TTC28: variants seen among roughly 807,000 people sequenced by gnomAD.
TTC28 encodes tetratricopeptide repeat protein 28.
A neutral mutation model predicts 198.0 loss-of-function variants in TTC28; 61 were observed. That is an observed-to-expected ratio of 0.31 (90% CI 0.25 to 0.38). TTC28 has a LOEUF of 0.38. Among genes scored for constraint, TTC28 ranks in the 10% least tolerant of loss-of-function variants. The pLI is 1.00. For missense variants in TTC28, 2,678 were observed against 3,164.0 expected, an observed-to-expected ratio of 0.85 and a Z score of 3.69; for synonymous variants, 1,171 against 1,297.8, an observed-to-expected ratio of 0.90 and a Z score of 2.10.
In TTC28 at chr22:28,458,273, C is replaced by G. The variant is rs1201157561; in HGVS notation, c.382-151630G>C. On this transcript the variant is annotated intron_variant, in intron 2 of 22. Coordinates refer to ENST00000397906, the MANE Select transcript of TTC28 (RefSeq NM_001145418.2). ...CAACATCTGAGGATTTCTACAGATA[C>G]AAAAATAAAATAAAACAGATAAAGT... Among the ~76,000 whole-genome samples the G allele has an allele frequency of 2.6e-5, 4 of 151,974 alleles. No individual in the cohort carries two copies. The South Asian group carries it at 6.2e-4, about 24-fold the overall frequency.
Position 27,998,772 on chromosome 22 carries a change from G to C in TTC28, c.4887C>G (p.Ser1629=), listed in dbSNP as rs909590041. 3 of 1,550,696 alleles carry C rather than the reference G, an allele frequency of 1.9e-6. No homozygotes were observed. Among genetic ancestry groups the C allele is most frequent in the Admixed American group, 3.9e-5 (2 of 51,014 alleles). ...CCCCGTCGGCTGTGACTTTGCTGTT[G>C]GACTCCTGGGAGGAGCCAAGCACCA... is the stretch of plus-strand genomic sequence containing the variant. ...KLVVLGSSQE[S]NSKVTADGVI... The change falls in exon 16 of 23, where the codon TCC becomes TCG. Residue 1629 remains serine, a synonymous_variant. Transcript: ENST00000397906.
chr22:28,633,311 G>GA (rs1005248738), intron 1 of TTC28, among the ~76,000 whole-genome samples: 53 of 150,558 alleles, frequency 3.5e-4, no homozygotes, highest in Admixed American at 3.5e-3. Context: ...AAAAGAAAAA[G>GA]AAAAAAAATT....
intron 2 of TTC28, among the ~76,000 whole-genome samples, chr22:28,534,922 G>A (rs963318779): frequency 3.9e-5 from 6 of 152,054 alleles, no homozygotes; most frequent in African/African-American, 1.4e-4. Flanking sequence ...TGGGGTTGGG[G>A]GAGGGGGCAG....
intron 12 of TTC28, among the ~76,000 whole-genome samples, chr22:28,038,347 C>A (rs1939452851): frequency 1.3e-5 from 2 of 152,070 alleles, no homozygotes; most frequent in South Asian, 4.2e-4. Context: ...CAGAACAGAG[C>A]CCTCAGAAAT....
chr22:28,388,991 C>G (rs1207246709), intron 2 of TTC28, among the ~76,000 whole-genome samples: 2 of 152,004 alleles, frequency 1.3e-5, no homozygotes, highest in African/African-American at 4.8e-5. Context: ...TCATAGATAG[C>G]TCTTATTATT....
chr22:28,369,111 G>A (rs2046290609), intron 2 of TTC28, among the ~76,000 whole-genome samples: 1 of 151,960 alleles, frequency 6.6e-6, no homozygotes, highest in East Asian at 1.9e-4. Context: ...AATCAGAAAA[G>A]GCCCAGAATA....
chr22:27,991,112 C>T (rs1156980354), intron 19 of TTC28, among the ~76,000 whole-genome samples: 1 of 152,116 alleles, frequency 6.6e-6, no homozygotes, highest in Non-Finnish European at 1.5e-5. Context: ...TTGTAGCCAG[C>T]TCAGGAAACC....
chr22:28,121,937 G>A (rs1318634892), intron 6 of TTC28, among the ~76,000 whole-genome samples: 3 of 152,130 alleles, frequency 2.0e-5, no homozygotes, highest in Admixed American at 2.0e-4. Flanking sequence ...GCACGATCTT[G>A]GCTCACTGCA....
chr22:28,034,839 AG>A (rs1176680344), intron 12 of TTC28, among the ~76,000 whole-genome samples: 1 of 152,170 alleles, frequency 6.6e-6, no homozygotes, highest in Non-Finnish European at 1.5e-5. Context: ...CATCTGTTCC[AG>A]GGATCCTGTG....
At chr22:28,585,801 T>C (rs537912233) in intron 2 of TTC28, among the ~76,000 whole-genome samples, 1 of 152,034 alleles carries the variant, frequency 6.6e-6, no homozygotes, top group South Asian at 2.1e-4. Flanking sequence ...AGAGAGAAAC[T>C]CAGGATTAAA....
chr22:28,643,606 C>T (rs1226631065), intron 1 of TTC28, among the ~76,000 whole-genome samples: 1 of 152,130 alleles, frequency 6.6e-6, no homozygotes, highest in African/African-American at 2.4e-5. Context: ...AATTCCTCAC[C>T]CACATCTTTG....
intron 18 of TTC28, 122 bp downstream of exon 18, chr22:27,993,165 G>T: frequency 2.2e-6 from 2 of 911,524 alleles, no homozygotes; most frequent in South Asian, 1.8e-5. Context: ...CCATTTCTCA[G>T]GACACCCTCC....
intron 12 of TTC28, among the ~76,000 whole-genome samples, chr22:28,087,651 G>A (rs1367040705): frequency 1.3e-5 from 2 of 152,172 alleles, no homozygotes; most frequent in African/African-American, 4.8e-5. Flanking sequence ...AGTGCTGGAA[G>A]TTCTGGCCAG....
At chr22:28,097,581 T>C (rs1942014901) in intron 10 of TTC28, among the ~76,000 whole-genome samples, 1 of 152,112 alleles carries the variant, frequency 6.6e-6, no homozygotes, top group African/African-American at 2.4e-5. Context: ...CCACAAAAAA[T>C]GTAAAGGAAT....
chr22:28,207,714 C>T (rs1926546231), intron 5 of TTC28, among the ~76,000 whole-genome samples: 1 of 152,156 alleles, frequency 6.6e-6, no homozygotes, highest in African/African-American at 2.4e-5. Context: ...GATCCAGGGA[C>T]ACGTGGGAAT....
chr22:28,350,473 A>C (rs2045975050), intron 2 of TTC28, among the ~76,000 whole-genome samples: 1 of 152,210 alleles, frequency 6.6e-6, no homozygotes, highest in African/African-American at 2.4e-5. Flanking sequence ...AATCACAGGA[A>C]TGAAAAGTTT....
At chr22:28,126,786 G>C (rs1442342769) in intron 6 of TTC28, among the ~76,000 whole-genome samples, 1 of 152,160 alleles carries the variant, frequency 6.6e-6, no homozygotes, top group African/African-American at 2.4e-5. Flanking sequence ...GTTAATACAC[G>C]ACTTCTCAGA....
At chr22:28,619,966 ACAG>A (rs1183878599) in intron 2 of TTC28, among the ~76,000 whole-genome samples, 4 of 152,252 alleles carry the variant, frequency 2.6e-5, no homozygotes, top group Non-Finnish European at 5.9e-5. Context: ...GATAAAGTCC[ACAG>A]CAGCAGATCA....
At chr22:28,446,538 T>C (rs2047705288) in intron 2 of TTC28, among the ~76,000 whole-genome samples, 1 of 152,116 alleles carries the variant, frequency 6.6e-6, no homozygotes, top group East Asian at 1.9e-4. Flanking sequence ...TGAGAGCTGG[T>C]TGTTTAAAAC....
Sources: allele counts gnomAD v4.1 joint callset (sites outside exome capture counted in the v4.1 genomes callset), GRCh38; gene constraint gnomAD v4.1.1; transcripts MANE v1.5; gene names NCBI Gene and HGNC (gene_info 2026-07-23, HGNC 2026-07-21).